Variants in CCDC18 observed in about 807,000 individuals in gnomAD.
CCDC18 encodes the protein coiled-coil domain containing 18, also known as coiled-coil domain-containing protein 18.
A neutral mutation model predicts 196.0 loss-of-function variants in CCDC18; 157 were observed. The ratio of observed to expected loss-of-function variants is 0.80; its 90% CI spans 0.70 to 0.91. The LOEUF (loss-of-function observed/expected upper bound fraction) is 0.91, where lower values mean the gene tolerates loss of function less well. Among genes scored for constraint, CCDC18 ranks in the 40% least tolerant of loss-of-function variants. The pLI is 0.00. For missense variants in CCDC18, 1,465 were observed against 1,611.6 expected (o/e 0.91, Z 1.56); for synonymous variants, 482 against 529.2 (o/e 0.91, Z 1.22).
chr1:93,265,077 T>C, intron 27 of CCDC18, 176 bp downstream of exon 27: 1 of 544,336 alleles, frequency 1.8e-6, no homozygotes, highest in Non-Finnish European at 3.3e-6. Flanking sequence ...ATGTACATCT[T>C]ATTACCGTAG....
chr1:93,227,685 T>G (rs1658593216), intron 17 of CCDC18, among the ~76,000 whole-genome samples: 1 of 151,956 alleles, frequency 6.6e-6, no homozygotes, highest in South Asian at 2.1e-4. Context: ...CACTCATTGT[T>G]GCTCACGCCT....
chr1:93,212,063 C>A, intron 10 of CCDC18, 38 bp from the exon 11 acceptor site: 1 of 1,539,204 alleles, frequency 6.5e-7, no homozygotes, highest in Non-Finnish European at 8.8e-7. Flanking sequence ...TTTATAGAAT[C>A]TTTCTAATAA....
chr1:93,263,792 C>A (rs1188930582), intron 26 of CCDC18, among the ~76,000 whole-genome samples: 1 of 152,176 alleles, frequency 6.6e-6, no homozygotes, highest in African/African-American at 2.4e-5. Context: ...CCCCACTATT[C>A]TGATACCAGT....
chr1:93,191,857 C>G, intron 4 of CCDC18, 143 bp from the exon 5 acceptor site: 1 of 580,666 alleles, frequency 1.7e-6, no homozygotes, highest in Non-Finnish European at 3.1e-6. Flanking sequence ...AAATGTTGAT[C>G]AAAGGAATAG....
chr1:93,207,526 T>C, intron 9 of CCDC18, 128 bp downstream of exon 9: 1 of 668,022 alleles, frequency 1.5e-6, no homozygotes, highest in Non-Finnish European at 2.4e-6. Context: ...CATGAATTTC[T>C]CTTCTGTCTA....
upstream of CCDC18, chr1:93,180,394 A>C (rs1571296317): frequency 8.1e-7 from 1 of 1,240,338 alleles, no homozygotes; most frequent in Non-Finnish European, 1.1e-6. Context: ...ACTCCCTCCG[A>C]AAGAGAAGCG....
intron 24 of CCDC18, among the ~76,000 whole-genome samples, chr1:93,255,625 A>G (rs966697451): frequency 1.3e-5 from 2 of 152,202 alleles, no homozygotes; most frequent in Middle Eastern, 6.8e-3. Flanking sequence ...GGTCCCAGCT[A>G]CTTGGGAGGC....
In CCDC18 at chr1:93,186,488, A is replaced by G. The variant is rs1420391572; in HGVS notation, c.447A>G (p.Thr149=). Reference sequence around the variant, plus strand: ...TTGAATCTATTCACTTTGAATTAACACAGTCAAGAGCAAAAGTATGTATCT... The same window carrying G: ...TTGAATCTATTCACTTTGAATTAACGCAGTCAAGAGCAAAAGTATGTATCT... The part of the protein sequence containing the change: ...TKFESIHFEL[T]QSRAKVSMLE... The change falls in exon 4 of 29, where the codon ACA becomes ACG. Residue 149 remains threonine (T), a synonymous_variant. Transcript: ENST00000690025. 1.2e-6 allele frequency: 2 copies of G among 1,606,610 alleles called. No homozygotes were observed. The highest frequency in any genetic ancestry group is 3.4e-5 in the Admixed American group (2 of 58,870).
intron 11 of CCDC18, among the ~76,000 whole-genome samples, chr1:93,212,892 G>A (rs1270909232): frequency 6.6e-5 from 10 of 152,032 alleles, no homozygotes; most frequent in South Asian, 2.1e-4. Flanking sequence ...ACAACTCATC[G>A]TAATGTAGAA....
chr1:93,254,567 A>G lies in CCDC18; in HGVS notation c.3295A>G (p.Lys1099Glu), dbSNP rs1181828231. 1.9e-6 allele frequency: 3 copies of G among 1,610,516 alleles called. No individual in the cohort carries two copies. In the Admixed American group the frequency reaches 5.1e-5, roughly 27 times the overall value. The part of the protein sequence containing the change: ...LQNEQEISQL[K>E]KEIERTQQRM... ...AAATGAACAGGAGATAAGTCAACTG[A>G]AAAAAGAAATTGAAAGAACACAACA... is the stretch of plus-strand genomic sequence containing the variant. Residue 1099 changes from lysine (K) to glutamate (E), a missense_variant, in exon 24 of 29, where the codon AAA becomes GAA. Lys to Glu is a moderately conservative substitution (Grantham distance 56). Transcript: ENST00000690025.
intron 12 of CCDC18, 79 bp from the exon 13 acceptor site, chr1:93,216,557 A>G: frequency 1.6e-6 from 1 of 633,882 alleles, no homozygotes. Flanking sequence ...ACTTTGAAAG[A>G]GGAGCAGGTG....
chr1:93,272,810 AAG>A (rs1200319874), intron 28 of CCDC18, among the ~76,000 whole-genome samples: 1 of 152,232 alleles, frequency 6.6e-6, no homozygotes, highest in Admixed American at 6.5e-5. Flanking sequence ...TTTTTAACAT[AAG>A]AGAGAAAACA....
Position 93,239,378 on chromosome 1 carries a change from T to C in CCDC18, c.2672T>C (p.Leu891Pro). The C allele has an allele frequency of 6.2e-7, 1 of 1,613,332 alleles. No individual in the cohort carries two copies. The change falls in exon 20 of 29, where the codon CTA becomes CCA. Residue 891 changes from leucine to proline, a missense_variant. Physicochemically the swap from Leu to Pro is moderately conservative, Grantham distance 98 (BLOSUM62 -3). Coordinates refer to ENST00000690025, the MANE Select transcript of CCDC18 (RefSeq NM_001378204.1). ...LSKMEKEIMHLKRDGENKAMH... is the reference protein window; with the variant it reads ...LSKMEKEIMHPKRDGENKAMH... ...AAAATGGAAAAGGAAATAATGCACC[T>C]AAAACGAGATGGAGAAAATAAAGCA...
chr1:93,181,696 A>C (rs1028649978), intron 1 of CCDC18, among the ~76,000 whole-genome samples: 2 of 151,808 alleles, frequency 1.3e-5, no homozygotes, highest in South Asian at 2.1e-4. Context: ...GCTCACTGCA[A>C]CCTCCGCCTC....
At chr1:93,193,831 GA>G in intron 6 of CCDC18, 87 bp downstream of exon 6, 1 of 1,072,302 alleles carries the variant, frequency 9.3e-7, no homozygotes, top group Non-Finnish European at 1.3e-6. Context: ...TTTTTGAAGT[GA>G]AAAAATTTCA....
chr1:93,255,408 G>A (rs1481634178), intron 24 of CCDC18, among the ~76,000 whole-genome samples: 2 of 152,132 alleles, frequency 1.3e-5, no homozygotes, highest in African/African-American at 2.4e-5. Flanking sequence ...GTTGACTGGT[G>A]AATTCATTCC....
intron 16 of CCDC18, among the ~76,000 whole-genome samples, chr1:93,222,803 TTTAG>T (rs1317987371): frequency 2.0e-5 from 3 of 152,212 alleles, no homozygotes; most frequent in African/African-American, 7.2e-5. Context: ...CTGCTATATA[TTTAG>T]TATTTTCTCT....
intron 9 of CCDC18, among the ~76,000 whole-genome samples, chr1:93,207,958 C>G (rs1237125611): frequency 1.3e-5 from 2 of 149,364 alleles, no homozygotes; most frequent in Non-Finnish European, 3.0e-5. Flanking sequence ...TATTTCATTT[C>G]TTTTTATTGC....
At chr1:93,260,647 C>G (rs1570616459) in intron 26 of CCDC18, among the ~76,000 whole-genome samples, 1 of 150,898 alleles carries the variant, frequency 6.6e-6, no homozygotes. Context: ...ACATTAAGTT[C>G]TGGGGTACGT....
Sources: allele counts gnomAD v4.1 joint callset (sites outside exome capture counted in the v4.1 genomes callset), GRCh38; gene constraint gnomAD v4.1.1; transcripts MANE v1.5; gene names NCBI Gene and HGNC (gene_info 2026-07-23, HGNC 2026-07-21).